PDE4D: variants seen among roughly 807,000 people sequenced by gnomAD.
PDE4D encodes the protein phosphodiesterase 4D.
In PDE4D, 24 loss-of-function variants were observed where a neutral mutation model predicts 87.4. The observed-to-expected ratio is 0.27, with a 90% CI of 0.20 to 0.39. The LOEUF is 0.39. PDE4D is among the 10% of genes least tolerant of loss of function. The probability of loss-of-function intolerance (pLI) is 1.00; values close to 1 mark genes in which losing one functional copy is unlikely to be tolerated. For synonymous variants in PDE4D, 384 were observed against 383.2 expected, an observed-to-expected ratio of 1.00 and a Z score of -0.02; for missense variants, 714 against 1,041.0, an observed-to-expected ratio of 0.69 and a Z score of 4.32.
At chr5:59,767,218 A>C (rs1762909958) in intron 1 of PDE4D, among the ~76,000 whole-genome samples, 1 of 152,070 alleles carries the variant, frequency 6.6e-6, no homozygotes, top group Admixed American at 6.6e-5. Context: ...GTAAAAAATT[A>C]TTTAGTCATA....
rs140561497 is a variant in PDE4D at position 59,966,199 on chromosome 5, C to G, written c.272+22289G>C. On this transcript the variant is annotated intron_variant, in intron 3 of 16. Transcript: ENST00000502484. The stretch of plus-strand genomic sequence containing the variant: ...ATTAAAGAACAGTAAAATAACATCT[C>G]TCTACTTGAGGATATCACATGAATT... 3.9e-4 allele frequency among the ~76,000 whole-genome samples: 59 copies of G among 152,266 alleles called. No homozygotes were observed. In the East Asian group the frequency reaches 7.9e-3, roughly 20 times the overall value.
chr5:59,729,308 ATCT>A (rs1365526974), intron 1 of PDE4D, among the ~76,000 whole-genome samples: 1 of 152,100 alleles, frequency 6.6e-6, no homozygotes, highest in Non-Finnish European at 1.5e-5. Flanking sequence ...GAAACACTAA[ATCT>A]TCTCCTTGAG....
chr5:59,443,657 C>T (rs1318500728), intron 1 of PDE4D, among the ~76,000 whole-genome samples: 1 of 152,130 alleles, frequency 6.6e-6, no homozygotes. Flanking sequence ...CAATGTTAAT[C>T]CCCACAAGAA....
chr5:59,701,838 T>C (rs1752620406), intron 1 of PDE4D, among the ~76,000 whole-genome samples: 1 of 152,176 alleles, frequency 6.6e-6, no homozygotes, highest in South Asian at 2.1e-4. Flanking sequence ...AACAGCTCAA[T>C]TCCTCTACAG....
chr5:59,309,001 T>C (rs1772011545), intron 1 of PDE4D, among the ~76,000 whole-genome samples: 1 of 151,880 alleles, frequency 6.6e-6, no homozygotes, highest in Non-Finnish European at 1.5e-5. Context: ...CTCTGCTGAG[T>C]CATGCAGGTT....
At chr5:59,306,120 AG>A (rs1390863768) in intron 1 of PDE4D, among the ~76,000 whole-genome samples, 1 of 152,176 alleles carries the variant, frequency 6.6e-6, no homozygotes, top group Non-Finnish European at 1.5e-5. Context: ...CTGTTGGAGA[AG>A]GCCTTTTACC....
intron 3 of PDE4D, among the ~76,000 whole-genome samples, chr5:59,917,330 G>T (rs572647756): frequency 6.6e-6 from 1 of 152,020 alleles, no homozygotes; most frequent in Non-Finnish European, 1.5e-5. Context: ...TGTGACTCAT[G>T]GCTTAGCTGG....
chr5:59,431,181 T>C (rs750227623), intron 1 of PDE4D, among the ~76,000 whole-genome samples: 4 of 152,286 alleles, frequency 2.6e-5, no homozygotes, highest in Admixed American at 1.3e-4. Context: ...GAATCATTGA[T>C]AGTGAATGTT....
At position 59,648,515 on chromosome 5, in the gene PDE4D, T is replaced by C. The variant is rs1305093360; in HGVS notation, c.455+244653A>G. 5.3e-5 allele frequency among the ~76,000 whole-genome samples: 8 copies of C among 152,298 alleles called. No individual in the cohort carries two copies. In the South Asian group the frequency reaches 1.7e-3, roughly 32 times the overall value. On this transcript the variant is annotated intron_variant, in intron 1 of 14. Coordinates refer to ENST00000340635, the MANE Select transcript of PDE4D (RefSeq NM_001104631.2). ...GTCATTAAAGAATAAAGATGACTAA[T>C]TATTAATTTAAAGGTTATGAAAACA...
At chr5:60,460,011 A>G (rs1746799560) in intron 1 of PDE4D, 2 of 1,122,786 alleles carry the variant, frequency 1.8e-6, no homozygotes, top group East Asian at 4.7e-5. Context: ...CCATATCGGG[A>G]ACCAAGTAGT....
At chr5:59,144,990 A>G (rs1778417455) in intron 5 of PDE4D, among the ~76,000 whole-genome samples, 1 of 151,828 alleles carries the variant, frequency 6.6e-6, no homozygotes, top group African/African-American at 2.4e-5. Context: ...TTTTTATTAC[A>G]GACTATGTAT....
At chr5:59,121,356 T>TA (rs993456258) in intron 5 of PDE4D, among the ~76,000 whole-genome samples, 1 of 151,796 alleles carries the variant, frequency 6.6e-6, no homozygotes, top group Non-Finnish European at 1.5e-5. Context: ...GTCTCAATAG[T>TA]AAAAAAGCAC....
chr5:59,736,129 AAATT>A (rs1051808826), intron 1 of PDE4D, among the ~76,000 whole-genome samples: 4 of 151,854 alleles, frequency 2.6e-5, no homozygotes, highest in African/African-American at 4.8e-5. Context: ...TAATAATAAT[AAATT>A]AATTAATTAA....
At chr5:59,252,516 A>T (rs1347243576) in intron 1 of PDE4D, among the ~76,000 whole-genome samples, 2 of 151,186 alleles carry the variant, frequency 1.3e-5, no homozygotes, top group Non-Finnish European at 2.9e-5. Flanking sequence ...ATGGTTAACC[A>T]TATCATCTGG....
intron 1 of PDE4D, among the ~76,000 whole-genome samples, chr5:59,611,139 T>G (rs1210674340): frequency 6.6e-6 from 1 of 152,192 alleles, no homozygotes; most frequent in Non-Finnish European, 1.5e-5. Flanking sequence ...AGAAATTTAT[T>G]GCTGACAGTC....
intron 1 of PDE4D, among the ~76,000 whole-genome samples, chr5:59,880,713 T>C (rs1749310012): frequency 6.6e-6 from 1 of 152,198 alleles, no homozygotes; most frequent in Non-Finnish European, 1.5e-5. Flanking sequence ...TTTGAGCTCA[T>C]TGGAAATGAA....
intron 1 of PDE4D, among the ~76,000 whole-genome samples, chr5:59,621,403 A>G (rs926518173): frequency 6.6e-6 from 1 of 152,212 alleles, no homozygotes; most frequent in African/African-American, 2.4e-5. Flanking sequence ...TCTTGTCACC[A>G]TGGTGACTTT....
At chr5:59,268,781 A>G (rs1763284382) in intron 1 of PDE4D, among the ~76,000 whole-genome samples, 1 of 152,064 alleles carries the variant, frequency 6.6e-6, no homozygotes, top group Non-Finnish European at 1.5e-5. Flanking sequence ...TATTATTGGG[A>G]ATATTTATAC....
chr5:58,986,854 TTTTAA>T (rs1447665065), intron 11 of PDE4D, among the ~76,000 whole-genome samples: 1 of 152,128 alleles, frequency 6.6e-6, no homozygotes, highest in Admixed American at 6.5e-5. Flanking sequence ...CTATCAGTTG[TTTTAA>T]TTTGTCTTCT....
Sources: gnomAD v4.1 joint callset for allele counts (sites outside exome capture counted in the v4.1 genomes callset) on GRCh38, gnomAD v4.1.1 for gene constraint, MANE v1.5 for transcripts, NCBI Gene and HGNC (gene_info 2026-07-23, HGNC 2026-07-21) for gene names.